The following DYRK1A variants were observed in gnomAD, a reference collection of about 807,000 sequenced individuals.
DYRK1A encodes the protein dual specificity tyrosine-phosphorylation-regulated kinase 1A.
A neutral mutation model predicts 79.7 loss-of-function variants in DYRK1A; 9 were observed. The ratio of observed to expected loss-of-function variants is 0.11; its 90% CI spans 0.07 to 0.20. DYRK1A has a LOEUF of 0.20. Ranked by LOEUF, DYRK1A falls within the 10% of genes least tolerant of loss-of-function variation. DYRK1A has a pLI of 1.00. For missense variants in DYRK1A, 622 were observed against 956.0 expected, an observed-to-expected ratio of 0.65 and a Z score of 4.61; for synonymous variants, 349 against 329.7, an observed-to-expected ratio of 1.06 and a Z score of -0.63.
At chr21:37,372,498 A>G (rs997663177) in intron 1 of DYRK1A, among the ~76,000 whole-genome samples, 6 of 151,612 alleles carry the variant, frequency 4.0e-5, no homozygotes, top group African/African-American at 1.5e-4. Flanking sequence ...TCTGCTTGCT[A>G]TCCAGTTATA....
intron 8 of DYRK1A, among the ~76,000 whole-genome samples, chr21:37,494,460 C>T (rs552306074): frequency 1.3e-5 from 2 of 152,134 alleles, no homozygotes; most frequent in African/African-American, 2.4e-5. Flanking sequence ...AAAACGCCAG[C>T]TACAGGCCCA....
At chr21:37,377,362 G>A (rs1042015273) in intron 1 of DYRK1A, among the ~76,000 whole-genome samples, 9 of 151,994 alleles carry the variant, frequency 5.9e-5, no homozygotes, top group Non-Finnish European at 8.8e-5. Flanking sequence ...CTCGTGATCC[G>A]CTTACCTCGG....
Position 37,490,493 on chromosome 21 carries a change from T to C in DYRK1A, c.924+32T>C, listed in dbSNP as rs767386124. The C allele has an allele frequency of 2.6e-4, 413 of 1,586,860 alleles. 1 individual carries two copies. Among genetic ancestry groups the C allele is most frequent in the Non-Finnish European group, 3.1e-4 (360 of 1,165,808 alleles). The stretch of plus-strand genomic sequence containing the variant: ...ATTATTTCAGAACTTGTGAATTAAA[T>C]AGAAATTAAATAGAAGTAGGTAGGA... On this transcript the variant is annotated intron_variant, in intron 7 of 11. Coordinates refer to ENST00000647188, the MANE Select transcript of DYRK1A (RefSeq NM_001347721.2).
At chr21:37,366,565 T>G (rs1014684490), upstream of DYRK1A, among the ~76,000 whole-genome samples, 17 of 149,338 alleles carry the variant, frequency 1.1e-4, no homozygotes, top group Non-Finnish European at 2.2e-4. Flanking sequence ...CTGACACTCG[T>G]AGCGGACCCG....
chr21:37,383,526 T>G (rs907883073), intron 1 of DYRK1A, among the ~76,000 whole-genome samples: 2 of 152,246 alleles, frequency 1.3e-5, no homozygotes. Context: ...CAAGGAACTC[T>G]CCTGGGTCAG....
chr21:37,469,718 C>T (rs1221547008), intron 2 of DYRK1A, among the ~76,000 whole-genome samples: 1 of 152,090 alleles, frequency 6.6e-6, no homozygotes, highest in Non-Finnish European at 1.5e-5. Context: ...ACTCTTATCA[C>T]GAGGATAGCA....
intron 2 of DYRK1A, among the ~76,000 whole-genome samples, chr21:37,441,941 T>A (rs1248816633): frequency 6.8e-6 from 1 of 147,542 alleles, no homozygotes; most frequent in East Asian, 2.0e-4. Flanking sequence ...TTTAGGTATC[T>A]GAAAATGCCT....
At chr21:37,434,397 CTG>C (rs1743289490) in intron 2 of DYRK1A, among the ~76,000 whole-genome samples, 1 of 152,118 alleles carries the variant, frequency 6.6e-6, no homozygotes, top group African/African-American at 2.4e-5. Context: ...CAAATGGGAA[CTG>C]TGTCTCCTTG....
intron 1 of DYRK1A, chr21:37,375,196 A>G (rs1439207812): frequency 6.6e-6 from 1 of 151,236 alleles, no homozygotes. Context: ...CTATAGAAAA[A>G]TAATGTGAAT....
intron 2 of DYRK1A, among the ~76,000 whole-genome samples, chr21:37,421,345 AAATCATCATTTTATGATTT>A (rs2050469931): frequency 6.6e-6 from 1 of 152,084 alleles, no homozygotes. Flanking sequence ...TCTAGGGGAA[AAATCATCATTTTATGATTT>A]TAAGATTTTA....
rs1440017932 is a variant in DYRK1A, at chr21:37,513,580, G to A, written c.*1049G>A. The A allele has an allele frequency of 6.6e-6, 1 of 152,620 alleles. No homozygotes were observed. Among genetic ancestry groups the A allele is most frequent in the Non-Finnish European group, 1.5e-5 (1 of 68,048 alleles). 9.5% of individuals were successfully genotyped at this position (152,620 alleles called of 1,614,324 possible). A position where few individuals can be genotyped will look rare whatever the true frequency, so the allele number is the denominator to read the frequency against. On this transcript the variant is annotated 3_prime_UTR_variant, in exon 12 of 12. Transcript: ENST00000647188. ...AAGTTGACTTCCTTATTGGTTGAAG[G>A]TCACAGAAGTAGTGGTTTGCTTTGA... is the stretch of plus-strand genomic sequence containing the variant.
At position 37,524,764 on chromosome 21, in the gene DYRK1A, T is replaced by C. The variant is rs975392960; in HGVS notation, c.*12233T>C. The stretch of plus-strand genomic sequence containing the variant: ...TAACTGAAGAATTGGCCTCTATCAA[T>C]AGTCTTATGTGGAACAACTACTGGC... On this transcript the variant is annotated 3_prime_UTR_variant, in exon 12 of 12. Transcript: ENST00000647188. The C allele has an allele frequency of 1.2e-4, 19 of 152,232 alleles. 1 individual carries two copies. The highest frequency in any genetic ancestry group is 4.6e-4 in the African/African-American group (19 of 41,460). 9.4% of individuals were successfully genotyped at this position (152,232 alleles called of 1,614,324 possible). A position where few individuals can be genotyped will look rare whatever the true frequency, so the allele number is the denominator to read the frequency against.
intron 11 of DYRK1A, among the ~76,000 whole-genome samples, chr21:37,508,052 G>C (rs2053647078): frequency 1.3e-5 from 2 of 152,016 alleles, no homozygotes; most frequent in African/African-American, 4.8e-5. Context: ...ATTTGCTCAA[G>C]TTGTAAATTT....
chr21:37,413,091 A>G (rs1215916670), intron 1 of DYRK1A, among the ~76,000 whole-genome samples: 1 of 152,208 alleles, frequency 6.6e-6, no homozygotes, highest in Non-Finnish European at 1.5e-5. Flanking sequence ...AAGAACATAC[A>G]TTTTAAGAAT....
At chr21:37,479,619 G>GTTTTTTTGTTT (rs2052552685) in intron 4 of DYRK1A, among the ~76,000 whole-genome samples, 1 of 73,900 alleles carries the variant, frequency 1.4e-5, no homozygotes, top group Admixed American at 2.4e-4. Context: ...TTTGTTTTTT[G>GTTTTTTTGTTT]TTTTTTTTTT....
intron 2 of DYRK1A, among the ~76,000 whole-genome samples, chr21:37,451,678 G>T (rs1043666148): frequency 6.6e-6 from 1 of 151,642 alleles, no homozygotes; most frequent in African/African-American, 2.4e-5. Flanking sequence ...CGTGCAGTAG[G>T]CTCCACTGTC....
rs1257412897 is a variant in DYRK1A at position 37,491,972 on chromosome 21, G to A, written c.925-1045G>A. On this transcript the variant is annotated intron_variant, in intron 7 of 11. Coordinates refer to ENST00000647188, the MANE Select transcript of DYRK1A (RefSeq NM_001347721.2). ...TAGATCTGTTGGATTAGAATCAGAA[G>A]GTGGTAGGGCAAGTGTGTTTTGGGG... Among the ~76,000 whole-genome samples the A allele has an allele frequency of 2.0e-5, 3 of 152,188 alleles. No homozygotes were observed. The East Asian group carries it at 5.8e-4, about 29-fold the overall frequency.
intron 1 of DYRK1A, among the ~76,000 whole-genome samples, chr21:37,395,500 C>T (rs2049944617): frequency 6.6e-6 from 1 of 152,072 alleles, no homozygotes; most frequent in South Asian, 2.1e-4. Flanking sequence ...TTAATCTTAC[C>T]TGACAAAACC....
chr21:37,412,904 A>G (rs9976328), intron 1 of DYRK1A, among the ~76,000 whole-genome samples: 31,104 of 152,024 alleles, frequency 0.2, 3,404 homozygotes, highest in East Asian at 0.36. Flanking sequence ...TGAGTGGAGA[A>G]GAGAGTTTGA....
Sources: allele counts gnomAD v4.1 joint callset (sites outside exome capture counted in the v4.1 genomes callset), GRCh38; gene constraint gnomAD v4.1.1; transcripts MANE v1.5; gene names NCBI Gene and HGNC (gene_info 2026-07-23, HGNC 2026-07-21).